The following PPP1R15B variants were observed in gnomAD, a reference collection of about 807,000 sequenced individuals.
PPP1R15B encodes the protein protein phosphatase 1 regulatory subunit 15B, also known as protein phosphatase 1, regulatory (inhibitor) subunit 15B.
Under a neutral mutation model 53.9 loss-of-function variants are expected in PPP1R15B, and 31 were observed. The observed-to-expected ratio is 0.58, with a 90% CI of 0.43 to 0.78. The LOEUF (loss-of-function observed/expected upper bound fraction) is 0.78. PPP1R15B is among the 30% of genes least tolerant of loss of function. PPP1R15B has a pLI of 0.00. For missense variants in PPP1R15B, 928 were observed against 849.6 expected, an observed-to-expected ratio of 1.09 and a Z score of -1.15; for synonymous variants, 345 against 329.1, an observed-to-expected ratio of 1.05 and a Z score of -0.52.
chr1:204,410,866 T>TC lies in PPP1R15B; in HGVS notation c.545dup (p.Val183SerfsTer7). 1 of 1,614,124 alleles carries TC rather than the reference T, an allele frequency of 6.2e-7. No individual in the cohort carries two copies. The highest frequency in any genetic ancestry group is 8.5e-7 in the Non-Finnish European group (1 of 1,180,030). On this transcript the variant is annotated frameshift_variant, in exon 1 of 2. Transcript: ENST00000367188. LOFTEE classifies it high-confidence loss of function. ...GAAGGCTACTGGGCAACAGCTCCACTCCCCACAGCTGCTGCTCTAAGAGAA... is the reference window on the plus strand; with the variant it reads ...GAAGGCTACTGGGCAACAGCTCCACTCCCCCACAGCTGCTGCTCTAAGAGAA...
In PPP1R15B at chr1:204,410,788, T is replaced by C. The variant is rs750122021; in HGVS notation, c.624A>G (p.Leu208=). The part of the protein sequence containing the change: ...RELGSSPSGP[L]NIQRIDNFSV... ...TGAAATTGTCTATGCGTTGAATGTT[T>C]AGAGGCCCAGAGGGCGAAGAGCCAA... Residue 208 remains leucine, a synonymous_variant, in exon 1 of 2, where the codon CTA becomes CTG. Coordinates refer to ENST00000367188, the MANE Select transcript of PPP1R15B (RefSeq NM_032833.5). 3 of 1,614,216 alleles carry C rather than the reference T, an allele frequency of 1.9e-6. No individual in the cohort carries two copies. The South Asian group carries it at 3.3e-5, about 18-fold the overall frequency.
rs373403441 is a variant in PPP1R15B at position 204,410,976 on chromosome 1, C to T, written c.436G>A (p.Gly146Arg). The change falls in exon 1 of 2, where the codon GGG becomes AGG. Residue 146 changes from glycine to arginine, a missense_variant. By Grantham distance (125) the Gly-to-Arg change is moderately radical (BLOSUM62 -2). Transcript: ENST00000367188. ...VTSPLDWLEE[G>R]IHWQYSPPDL... ...GGGGGCGAGTATTGCCAGTGGATCC[C>T]CTCCTCTAGCCAATCAAGGGGACTG... The T allele has an allele frequency of 1.2e-6, 2 of 1,614,062 alleles. No homozygotes were observed. The highest frequency in any genetic ancestry group is 1.7e-5 in the Admixed American group (1 of 59,988).
At position 204,411,777 on chromosome 1, in the gene PPP1R15B, C is replaced by T. The variant is rs1558218166; in HGVS notation, c.-366G>A. The T allele has an allele frequency of 1.5e-5, 4 of 262,182 alleles. No homozygotes were observed. The East Asian group carries it at 2.7e-4, about 18-fold the overall frequency. The allele number at this position is 262,182 out of a possible 1,614,324, so 16.2% of individuals were successfully genotyped here. On this transcript the variant is annotated 5_prime_UTR_variant, in exon 1 of 2. Transcript: ENST00000367188. ...CCTGAGCAACGCGATACCGGAAGGA[C>T]TGGGTAGGCCGGCTGGTGCGGTGGA...
rs774419114 is a variant in PPP1R15B at position 204,406,098 on chromosome 1, TTGC to T, written c.2133_2135del (p.Gln712del). Reference sequence around the variant, plus strand: ...AGGACTACAGGCTGCCAACTCAACATTGCTTGAGAACATTAAGTCCTTTGAAGC... The same window carrying T: ...AGGACTACAGGCTGCCAACTCAACATTTGAGAACATTAAGTCCTTTGAAGC... On this transcript the variant is annotated inframe_deletion, in exon 2 of 2. Transcript: ENST00000367188. 6.2e-6 allele frequency: 10 copies of T among 1,614,076 alleles called. No homozygotes were observed. In the South Asian group the frequency reaches 8.8e-5, roughly 14 times the overall value.
Position 204,411,269 on chromosome 1 carries a change from G to C in PPP1R15B, c.143C>G (p.Pro48Arg), listed in dbSNP as rs921801724. ...GGGCTGGGCAGAGGAAAGCAGTGTG[G>C]GGTTCCCGGAGTTTTCCGGGCCAAG... ...TPLGPENSGNPTLLSSAQPET... is the reference protein window; with the variant it reads ...TPLGPENSGNRTLLSSAQPET... The change falls in exon 1 of 2, where the codon CCC (proline) becomes CGC (arginine). Residue 48 changes from proline to arginine, a missense_variant. Physicochemically the swap from Pro to Arg is moderately radical, Grantham distance 103. Coordinates refer to ENST00000367188, the MANE Select transcript of PPP1R15B (RefSeq NM_032833.5). 7.7e-5 allele frequency: 125 copies of C among 1,614,122 alleles called. No individual in the cohort carries two copies. The highest frequency in any genetic ancestry group is 9.7e-5 in the Non-Finnish European group (114 of 1,180,058).
intron 1 of PPP1R15B, among the ~76,000 whole-genome samples, chr1:204,408,113 G>A: frequency 6.6e-6 from 1 of 152,160 alleles, no homozygotes; most frequent in East Asian, 1.9e-4. Flanking sequence ...GCAATAACTT[G>A]TACAATAGAT....
rs760319584 is a variant in PPP1R15B at position 204,409,800 on chromosome 1, C to T, written c.1612G>A (p.Gly538Arg). The T allele has an allele frequency of 5.0e-6, 8 of 1,614,174 alleles. No individual in the cohort carries two copies. Among genetic ancestry groups the T allele is most frequent in the African/African-American group, 2.7e-5 (2 of 75,032 alleles). ...CTAGATTCCCAGTCATCTTCCTCCCCAGAACTATGCTCAGGGGTCTCAGGA... is the reference window on the plus strand; with the variant it reads ...CTAGATTCCCAGTCATCTTCCTCCCTAGAACTATGCTCAGGGGTCTCAGGA... ...SLPETPEHSSGEEDDWESSAD... is the reference protein window; with the variant it reads ...SLPETPEHSSREEDDWESSAD... Residue 538 changes from glycine to arginine, a missense_variant, in exon 1 of 2, where the codon GGG (glycine) becomes AGG (arginine). Physicochemically the swap from Gly to Arg is moderately radical, Grantham distance 125. Coordinates refer to ENST00000367188, the MANE Select transcript of PPP1R15B (RefSeq NM_032833.5).
downstream of PPP1R15B, among the ~76,000 whole-genome samples, chr1:204,398,170 T>C (rs971694702): frequency 2.0e-5 from 3 of 152,088 alleles, no homozygotes; most frequent in African/African-American, 7.2e-5. Context: ...CAATGTGACT[T>C]GAACAGTGAT....
In PPP1R15B at chr1:204,404,115, G is replaced by A. The variant is rs1674222770; in HGVS notation, c.*1977C>T. On this transcript the variant is annotated 3_prime_UTR_variant, in exon 2 of 2. Transcript: ENST00000367188. ...GCTTTTTTCAAGGCAAATGACGCCTGCTTTCCAACCGACATTGCTGTTGCT... is the reference window on the plus strand; with the variant it reads ...GCTTTTTTCAAGGCAAATGACGCCTACTTTCCAACCGACATTGCTGTTGCT... 2.0e-6 allele frequency: 2 copies of A among 985,386 alleles called. No individual in the cohort carries two copies. Among genetic ancestry groups the A allele is most frequent in the Non-Finnish European group, 2.4e-6 (2 of 829,926 alleles). 61.0% of individuals were successfully genotyped at this position (985,386 alleles called of 1,614,324 possible).
chr1:204,396,383 C>CAAAAAA (rs56077006), downstream of PPP1R15B, among the ~76,000 whole-genome samples: 3 of 136,374 alleles, frequency 2.2e-5, no homozygotes, highest in African/African-American at 5.6e-5. Flanking sequence ...AAAACAAAAA[C>CAAAAAA]AAAAAAAAAA....
At position 204,411,104 on chromosome 1, in the gene PPP1R15B, T is replaced by G; in HGVS notation, c.308A>C (p.Tyr103Ser). The change falls in exon 1 of 2, where the codon TAC (tyrosine) becomes TCC (serine). Residue 103 changes from tyrosine to serine, a missense_variant. By Grantham distance (144) the Tyr-to-Ser change is moderately radical. Transcript: ENST00000367188. ...TCCCTTCAGGGCTCTCAGGGCGCTGTAGACTCCAGCAAAATCTAGCCATCT... is the reference window on the plus strand; with the variant it reads ...TCCCTTCAGGGCTCTCAGGGCGCTGGAGACTCCAGCAAAATCTAGCCATCT... ...PTRWLDFAGV[Y>S]SALRALKGRE... The G allele has an allele frequency of 1.2e-6, 2 of 1,614,208 alleles. No homozygotes were observed. The highest frequency in any genetic ancestry group is 1.7e-6 in the Non-Finnish European group (2 of 1,180,026).
downstream of PPP1R15B, among the ~76,000 whole-genome samples, chr1:204,400,386 T>C (rs1674155835): frequency 6.6e-6 from 1 of 152,002 alleles, no homozygotes; most frequent in South Asian, 2.1e-4. Context: ...CACTTTGTCG[T>C]GCAGGCTGCA....
In PPP1R15B at chr1:204,405,474, A is replaced by G; in HGVS notation, c.*618T>C. Reference sequence around the variant, plus strand: ...TTGGAAATATCCTAGGTAGAACTTAATGTAGAAATAAAAAGGCTACCACAT... The same window carrying G: ...TTGGAAATATCCTAGGTAGAACTTAGTGTAGAAATAAAAAGGCTACCACAT... On this transcript the variant is annotated 3_prime_UTR_variant, in exon 2 of 2. Coordinates refer to ENST00000367188, the MANE Select transcript of PPP1R15B (RefSeq NM_032833.5). 3.0e-6 allele frequency: 3 copies of G among 983,734 alleles called. No homozygotes were observed. The highest frequency in any genetic ancestry group is 3.6e-6 in the Non-Finnish European group (3 of 828,418). The allele number at this position is 983,734 out of a possible 1,614,324, so 60.9% of individuals were successfully genotyped here. A position where few individuals can be genotyped will look rare whatever the true frequency, so the allele number is the denominator to read the frequency against.
chr1:204,405,808 T>C lies in PPP1R15B; in HGVS notation c.*284A>G. ...AGTGCAAAATGACAACTCAAAAAGG[T>C]CCCCTTTCCACCTCATGCAGGCAAA... On this transcript the variant is annotated 3_prime_UTR_variant, in exon 2 of 2. Transcript: ENST00000367188. The C allele has an allele frequency of 9.0e-7, 1 of 1,105,576 alleles. No individual in the cohort carries two copies. 68.5% of individuals were successfully genotyped at this position (1,105,576 alleles called of 1,614,324 possible).
downstream of PPP1R15B, among the ~76,000 whole-genome samples, chr1:204,400,951 C>T (rs553535609): frequency 3.9e-5 from 6 of 152,338 alleles, no homozygotes; most frequent in South Asian, 2.1e-4. Flanking sequence ...CCAGGCCTTG[C>T]GGCTCTCAGG....
At chr1:204,407,287 C>T (rs942807306) in intron 1 of PPP1R15B, among the ~76,000 whole-genome samples, 1 of 152,104 alleles carries the variant, frequency 6.6e-6, no homozygotes, top group African/African-American at 2.4e-5. Flanking sequence ...ATTTTTAAAG[C>T]TGTGTTACTC....
rs775622165 is a variant in PPP1R15B at position 204,406,274 on chromosome 1, C to G, written c.1960G>C (p.Gly654Arg). The G allele has an allele frequency of 5.0e-6, 8 of 1,614,052 alleles. No individual in the cohort carries two copies. The highest frequency in any genetic ancestry group is 5.9e-6 in the Non-Finnish European group (7 of 1,179,966). ...LEEVTEYYIS[G>R]DEDRKGPWEE... Reference sequence around the variant, plus strand: ...CATGGTCCTTTGCGATCCTCATCACCACTTATATAATACTCAGTAACTTCT... The same window carrying G: ...CATGGTCCTTTGCGATCCTCATCACGACTTATATAATACTCAGTAACTTCT... Residue 654 changes from glycine (G) to arginine (R), a missense_variant, in exon 2 of 2, where the codon GGT becomes CGT. Physicochemically the swap from Gly to Arg is moderately radical, Grantham distance 125. Coordinates refer to ENST00000367188, the MANE Select transcript of PPP1R15B (RefSeq NM_032833.5).
chr1:204,411,721 G>A lies in PPP1R15B; in HGVS notation c.-310C>T, dbSNP rs1225160324. The A allele has an allele frequency of 1.3e-5, 6 of 453,658 alleles. No individual in the cohort carries two copies. The highest frequency in any genetic ancestry group is 1.6e-5 in the Non-Finnish European group (4 of 252,128). 28.1% of individuals were successfully genotyped at this position (453,658 alleles called of 1,614,324 possible). A position where few individuals can be genotyped will look rare whatever the true frequency, so the allele number is the denominator to read the frequency against. On this transcript the variant is annotated 5_prime_UTR_variant, in exon 1 of 2. Transcript: ENST00000367188. ...GGAGTCCCCCCACGGCCTCGGCGAT[G>A]GTTTTCCGACTGACAGAGGGTTGAA...
At chr1:204,409,421 T>C in intron 1 of PPP1R15B, 71 bp downstream of exon 1, 1 of 1,501,276 alleles carries the variant, frequency 6.7e-7, no homozygotes, top group East Asian at 2.3e-5. Flanking sequence ...GCCTCCAAAG[T>C]CATGCTGCTA....
Sources: allele counts gnomAD v4.1 joint callset (sites outside exome capture counted in the v4.1 genomes callset), GRCh38; gene constraint gnomAD v4.1.1; transcripts MANE v1.5; gene names NCBI Gene and HGNC (gene_info 2026-07-23, HGNC 2026-07-21).